Variants in ARMC9 observed in about 807,000 individuals in gnomAD.
The protein encoded by ARMC9 is lisH domain-containing protein ARMC9.
ARMC9 carries 94 observed loss-of-function variants against 107.0 expected under a neutral mutation model. That is an observed-to-expected ratio of 0.88 (90% CI 0.74 to 1.04). ARMC9 has a LOEUF of 1.04. Among genes scored for constraint, ARMC9 ranks in the 50% least tolerant of loss-of-function variants. The pLI is 0.00. For synonymous variants in ARMC9, 380 were observed against 396.9 expected (o/e 0.96, Z 0.51); for missense variants, 942 against 1,030.1 (o/e 0.91, Z 1.17).
At chr2:231,336,871 C>A (rs2044125187) in intron 20 of ARMC9, among the ~76,000 whole-genome samples, 1 of 152,174 alleles carries the variant, frequency 6.6e-6, no homozygotes, top group South Asian at 2.1e-4. Context: ...GAGCTGCCCC[C>A]AGCCTGTCTT....
intron 19 of ARMC9, among the ~76,000 whole-genome samples, chr2:231,306,613 G>T (rs188882658): frequency 1.3e-5 from 2 of 152,228 alleles, no homozygotes; most frequent in East Asian, 1.9e-4. Flanking sequence ...GCTAGACCGG[G>T]GCATGGAACT....
intron 18 of ARMC9, among the ~76,000 whole-genome samples, chr2:231,292,835 G>A (rs566224506): frequency 8.5e-5 from 13 of 152,356 alleles, no homozygotes; most frequent in Non-Finnish European, 1.5e-4. Context: ...GCCCCCAGGT[G>A]GCCTTTCTTC....
chr2:231,322,919 G>C (rs1483006326), intron 19 of ARMC9, among the ~76,000 whole-genome samples: 1 of 152,082 alleles, frequency 6.6e-6, no homozygotes, highest in Non-Finnish European at 1.5e-5. Flanking sequence ...AAAATATGTC[G>C]TTTCGTTTGG....
At chr2:231,211,275 C>A (rs2032820976) in intron 3 of ARMC9, among the ~76,000 whole-genome samples, 1 of 151,538 alleles carries the variant, frequency 6.6e-6, no homozygotes, top group Non-Finnish European at 1.5e-5. Context: ...AATCCCAGCA[C>A]TTTGGGAGGC....
rs182373523 is a variant in ARMC9 at position 231,229,061 on chromosome 2, T to G, written c.622+2263T>G. On this transcript the variant is annotated intron_variant, in intron 7 of 24. Transcript: ENST00000611582. ...AGTAAGGAGACCAGTTTTTAAGCCT[T>G]CTTTAGGGTCAATTTTAACTGAGTT... 5.0e-4 allele frequency among the ~76,000 whole-genome samples: 76 copies of G among 152,136 alleles called. No homozygotes were observed. The East Asian group carries it at 9.7e-3, about 19-fold the overall frequency.
rs1000500756 is a variant in ARMC9, at chr2:231,360,134, C to A, written c.2132-620C>A. Among the ~76,000 whole-genome samples the A allele has an allele frequency of 1.3e-5, 2 of 151,970 alleles. No homozygotes were observed. The highest frequency in any genetic ancestry group is 4.8e-5 in the African/African-American group (2 of 41,348). On this transcript the variant is annotated intron_variant, in intron 22 of 24. Coordinates refer to ENST00000611582, the MANE Select transcript of ARMC9 (RefSeq NM_001352754.2). This position sits in a 1 kb window ranked among gnomAD's most constrained non-coding sequence, Gnocchi z 4.7. ...GTTCCCAGGCCCTTGGGGAGCCCTCCGTATGCTATGATGCTATCTGGGATT... is the reference window on the plus strand; with the variant it reads ...GTTCCCAGGCCCTTGGGGAGCCCTCAGTATGCTATGATGCTATCTGGGATT...
rs2045524212 is a variant in ARMC9, at chr2:231,360,489, G to A, written c.2132-265G>A. ...GAGGGCTTTCCAGAGGCTGAGGGGT[G>A]CCAGGAAGGCTGAGCGGCCAGGGTG... On this transcript the variant is annotated intron_variant, in intron 22 of 24. Coordinates refer to ENST00000611582, the MANE Select transcript of ARMC9 (RefSeq NM_001352754.2). This position sits in a 1 kb window ranked among gnomAD's most constrained non-coding sequence, Gnocchi z 4.7. Among the ~76,000 whole-genome samples, 1 of 152,208 alleles carries A rather than the reference G, an allele frequency of 6.6e-6. No homozygotes were observed. The highest frequency in any genetic ancestry group is 2.4e-5 in the African/African-American group (1 of 41,460).
intron 19 of ARMC9, among the ~76,000 whole-genome samples, chr2:231,305,538 T>G (rs2041991290): frequency 6.6e-6 from 1 of 152,256 alleles, no homozygotes; most frequent in Non-Finnish European, 1.5e-5. Context: ...GTTTACAGCT[T>G]CATCTTTAAT....
At chr2:231,318,237 A>G (rs143028444) in intron 19 of ARMC9, among the ~76,000 whole-genome samples, 2 of 147,722 alleles carry the variant, frequency 1.4e-5, no homozygotes, top group Admixed American at 6.6e-5. Flanking sequence ...GAGTGTGTCT[A>G]TCATTTTCTC....
At chr2:231,307,144 G>A (rs2042077219) in intron 19 of ARMC9, among the ~76,000 whole-genome samples, 1 of 152,228 alleles carries the variant, frequency 6.6e-6, no homozygotes, top group Non-Finnish European at 1.5e-5. Context: ...ACAGTTTGCT[G>A]CTCACAGTGC....
intron 22 of ARMC9, among the ~76,000 whole-genome samples, chr2:231,359,285 C>T (rs1559503457): frequency 6.6e-6 from 1 of 151,910 alleles, no homozygotes; most frequent in Non-Finnish European, 1.5e-5. Context: ...CAGGGTTTTA[C>T]CATGTTGGCC....
intron 21 of ARMC9, among the ~76,000 whole-genome samples, chr2:231,351,668 T>C (rs1370440600): frequency 6.6e-6 from 1 of 152,142 alleles, no homozygotes; most frequent in Non-Finnish European, 1.5e-5. Context: ...TTGTTTTCTT[T>C]TGCATTGTTG....
intron 19 of ARMC9, among the ~76,000 whole-genome samples, chr2:231,305,478 TAAC>T (rs1226927183): frequency 3.3e-5 from 5 of 152,224 alleles, no homozygotes; most frequent in African/African-American, 1.2e-4. Context: ...ACAAGCAAAA[TAAC>T]AAATCCAGGC....
chr2:231,332,752 C>A (rs900202253), intron 20 of ARMC9, among the ~76,000 whole-genome samples: 2 of 152,154 alleles, frequency 1.3e-5, no homozygotes, highest in African/African-American at 4.8e-5. Context: ...AAGGGAGGAG[C>A]AATTGCCAGG....
rs2045431431 is a variant in ARMC9 at position 231,358,477 on chromosome 2, C to T, written c.2132-2277C>T. Among the ~76,000 whole-genome samples, 1 of 152,156 alleles carries T rather than the reference C, an allele frequency of 6.6e-6. No individual in the cohort carries two copies. The highest frequency in any genetic ancestry group is 2.4e-5 in the African/African-American group (1 of 41,436). On this transcript the variant is annotated intron_variant, in intron 22 of 24. Transcript: ENST00000611582. The surrounding 1 kb of genome is among the most constrained non-coding windows in gnomAD (Gnocchi z 4.5). ...TCGGCCTCCCAAAGTGCTGGGATTA[C>T]AGGCATGGGGCCCCCTCCACTTCCC...
chr2:231,246,959 A>AT (rs34751620), intron 9 of ARMC9, among the ~76,000 whole-genome samples: 39,876 of 144,534 alleles, frequency 0.28, 5,698 homozygotes, highest in African/African-American at 0.38. Flanking sequence ...CACTTGGCTA[A>AT]TTTTTTTTTT....
At chr2:231,304,185 G>A (rs1204276719) in intron 19 of ARMC9, among the ~76,000 whole-genome samples, 15 of 152,172 alleles carry the variant, frequency 9.9e-5, no homozygotes, top group South Asian at 4.1e-4. Flanking sequence ...AGCCGAGATC[G>A]CGCCACTGCA....
chr2:231,261,479 T>G (rs1368310531), intron 11 of ARMC9, among the ~76,000 whole-genome samples: 1 of 152,190 alleles, frequency 6.6e-6, no homozygotes, highest in Admixed American at 6.5e-5. Flanking sequence ...CCCAATAGGA[T>G]AGGATAGAGT....
chr2:231,224,490 T>A (rs1192968385), intron 6 of ARMC9, among the ~76,000 whole-genome samples: 1 of 152,194 alleles, frequency 6.6e-6, no homozygotes, highest in Non-Finnish European at 1.5e-5. Flanking sequence ...AGTACCTATT[T>A]TATAGGAAGA....
Sources: gnomAD v4.1 joint callset for allele counts (sites outside exome capture counted in the v4.1 genomes callset) on GRCh38, gnomAD v4.1.1 for gene constraint, Gnocchi (gnomAD v3.1) non-coding constraint, MANE v1.5 for transcripts, NCBI Gene and HGNC (gene_info 2026-07-23, HGNC 2026-07-21) for gene names.